The following EYS variants were observed in gnomAD, a reference collection of about 807,000 sequenced individuals.
EYS encodes protein eyes shut homolog.
Under a neutral mutation model 282.1 loss-of-function variants are expected in EYS, and 250 were observed. That is an observed-to-expected ratio of 0.89 (90% CI 0.80 to 0.98). The LOEUF is 0.98. Ranked by LOEUF, EYS falls within the 50% of genes least tolerant of loss-of-function variation. EYS has a pLI of 0.00. For missense variants in EYS, 4,016 were observed against 3,709.0 expected (o/e 1.08, Z -2.15); for synonymous variants, 1,355 against 1,282.9 (o/e 1.06, Z -1.20).
chr6:64,434,477 C>T (rs1436247150), intron 28 of EYS, among the ~76,000 whole-genome samples: 2 of 152,008 alleles, frequency 1.3e-5, no homozygotes, highest in Non-Finnish European at 2.9e-5. Flanking sequence ...GTTTCTTCTG[C>T]TAGTATTTTT....
chr6:63,857,094 T>C (rs1273699685), intron 36 of EYS, among the ~76,000 whole-genome samples: 1 of 152,168 alleles, frequency 6.6e-6, no homozygotes, highest in Non-Finnish European at 1.5e-5. Context: ...GTATGGTGGT[T>C]TTATAGTTAA....
chr6:64,452,005 C>T (rs959483423), intron 26 of EYS, among the ~76,000 whole-genome samples: 1 of 152,092 alleles, frequency 6.6e-6, no homozygotes, highest in African/African-American at 2.4e-5. Flanking sequence ...GAAGTTCTGG[C>T]CAGGGCAATC....
intron 12 of EYS, among the ~76,000 whole-genome samples, chr6:65,222,839 G>T (rs1376302927): frequency 2.0e-5 from 3 of 152,136 alleles, no homozygotes; most frequent in Non-Finnish European, 2.9e-5. Context: ...ACAGTAAGAA[G>T]AAACATGGTG....
rs577813501 is a variant in EYS, at chr6:64,991,106, G to T, written c.2259+6476C>A. The stretch of plus-strand genomic sequence containing the variant: ...TTAGTCTTACATCATACAGGGAAAA[G>T]AATTCCATAATCTAGTTTATTGTAG... On this transcript the variant is annotated intron_variant, in intron 14 of 42. Coordinates refer to ENST00000503581, the MANE Select transcript of EYS (RefSeq NM_001142800.2). Among the ~76,000 whole-genome samples the T allele has an allele frequency of 5.9e-5, 9 of 151,638 alleles. No individual in the cohort carries two copies. The South Asian group carries it at 1.5e-3, about 24-fold the overall frequency.
intron 35 of EYS, among the ~76,000 whole-genome samples, chr6:63,963,641 T>C (rs1582041539): frequency 6.6e-6 from 1 of 152,212 alleles, no homozygotes; most frequent in Admixed American, 6.5e-5. Flanking sequence ...TCACAGACTA[T>C]GGGTTTTCAT....
intron 5 of EYS, among the ~76,000 whole-genome samples, chr6:65,440,377 TAAA>T (rs34301256): frequency 5.7e-4 from 81 of 143,356 alleles, no homozygotes; most frequent in East Asian, 1.4e-3. Flanking sequence ...CAACCTTCAA[TAAA>T]AAAAAAAAAA....
At chr6:64,984,349 A>G (rs1352056876) in intron 14 of EYS, among the ~76,000 whole-genome samples, 1 of 151,432 alleles carries the variant, frequency 6.6e-6, no homozygotes, top group South Asian at 2.1e-4. Flanking sequence ...GACATATGAT[A>G]ATATTTTCCA....
chr6:65,589,723 A>C (rs1015821616), intron 2 of EYS, among the ~76,000 whole-genome samples: 3 of 152,012 alleles, frequency 2.0e-5, no homozygotes, highest in Non-Finnish European at 2.9e-5. Context: ...GTACATATTA[A>C]TATTTCTAAT....
intron 28 of EYS, among the ~76,000 whole-genome samples, chr6:64,431,531 C>T (rs534967797): frequency 3.9e-5 from 6 of 152,212 alleles, no homozygotes; most frequent in South Asian, 4.1e-4. Flanking sequence ...AGCTGTAGAG[C>T]GGATCTGGAG....
chr6:64,138,377 C>A (rs1382123285), intron 31 of EYS, among the ~76,000 whole-genome samples: 1 of 152,028 alleles, frequency 6.6e-6, no homozygotes, highest in Non-Finnish European at 1.5e-5. Context: ...GGGTATATAA[C>A]ACAGCAAAGT....
At chr6:64,351,559 T>C (rs933688035) in intron 29 of EYS, among the ~76,000 whole-genome samples, 1 of 151,562 alleles carries the variant, frequency 6.6e-6, no homozygotes, top group Non-Finnish European at 1.5e-5. Flanking sequence ...ATTTATCATC[T>C]ATCACAATCA....
At chr6:64,729,422 T>C (rs973229186) in intron 22 of EYS, among the ~76,000 whole-genome samples, 3 of 152,152 alleles carry the variant, frequency 2.0e-5, no homozygotes, top group African/African-American at 7.2e-5. Flanking sequence ...ATTATGTGAG[T>C]AGAATTTGAA....
Position 65,098,106 on chromosome 6 carries a change from T to C in EYS, c.2024-40379A>G, listed in dbSNP as rs530918733. Among the ~76,000 whole-genome samples, 8 of 150,936 alleles carry C rather than the reference T, an allele frequency of 5.3e-5. 1 individual carries two copies. The South Asian group carries it at 1.2e-3, about 24-fold the overall frequency. On this transcript the variant is annotated intron_variant, in intron 12 of 42. Transcript: ENST00000503581. ...AGTTATCTCGGAGGTAACACTCTTT[T>C]GTAAAATGCAGATAAAAGGAAATGA...
chr6:64,989,591 T>C (rs989194473), intron 14 of EYS, among the ~76,000 whole-genome samples: 1 of 140,718 alleles, frequency 7.1e-6, no homozygotes, highest in African/African-American at 2.6e-5. Context: ...ATAAAAATTA[T>C]ATTATTTAAT....
In EYS at chr6:64,029,130, G is replaced by T. The variant is rs1306673524; in HGVS notation, c.6726-29947C>A. Among the ~76,000 whole-genome samples the T allele has an allele frequency of 5.3e-5, 8 of 152,170 alleles. 1 individual carries two copies. Among genetic ancestry groups the T allele is most frequent in the Non-Finnish European group, 1.0e-4 (7 of 68,030 alleles). On this transcript the variant is annotated intron_variant, in intron 33 of 42. Coordinates refer to ENST00000503581, the MANE Select transcript of EYS (RefSeq NM_001142800.2). ...AGAATGGGAACCAGAGGCAGAAACA[G>T]CCTTCAAAACCTTAAGGCAGGCCCT... is the stretch of plus-strand genomic sequence containing the variant.
intron 22 of EYS, among the ~76,000 whole-genome samples, chr6:64,714,130 G>A (rs1316721189): frequency 6.6e-6 from 1 of 152,086 alleles, no homozygotes; most frequent in Non-Finnish European, 1.5e-5. Context: ...CAATGATGGT[G>A]GTAAAATAAA....
At chr6:64,513,576 A>C (rs1048387840) in intron 26 of EYS, among the ~76,000 whole-genome samples, 1 of 151,934 alleles carries the variant, frequency 6.6e-6, no homozygotes, top group Non-Finnish European at 1.5e-5. Context: ...GATAATGGGC[A>C]GCTAATGGAT....
At chr6:64,461,223 T>C (rs1252123335) in intron 26 of EYS, among the ~76,000 whole-genome samples, 1 of 152,190 alleles carries the variant, frequency 6.6e-6, no homozygotes. Flanking sequence ...TGCCTTTTGG[T>C]TATCTAAAAA....
chr6:65,124,325 C>A (rs1775656390), intron 12 of EYS, among the ~76,000 whole-genome samples: 1 of 151,998 alleles, frequency 6.6e-6, no homozygotes, highest in Non-Finnish European at 1.5e-5. Flanking sequence ...ATATTATTTC[C>A]AGATGAATAA....
Sources: gnomAD v4.1 joint callset for allele counts (sites outside exome capture counted in the v4.1 genomes callset) on GRCh38, gnomAD v4.1.1 for gene constraint, MANE v1.5 for transcripts, NCBI Gene and HGNC (gene_info 2026-07-23, HGNC 2026-07-21) for gene names.